PDE4D: variants seen among roughly 807,000 people sequenced by gnomAD.
The protein encoded by PDE4D is 3',5'-cyclic-AMP phosphodiesterase 4D.
A neutral mutation model predicts 87.4 loss-of-function variants in PDE4D; 24 were observed. That is an observed-to-expected ratio of 0.27 (90% confidence interval 0.20 to 0.39). The LOEUF (loss-of-function observed/expected upper bound fraction) is 0.39. Among genes scored for constraint, PDE4D ranks in the 10% least tolerant of loss-of-function variants. The pLI is 1.00. For synonymous variants in PDE4D, 384 were observed against 383.2 expected (o/e 1.00, Z -0.02); for missense variants, 714 against 1,041.0 (o/e 0.69, Z 4.32).
At chr5:59,200,220 T>C (rs901972222) in intron 2 of PDE4D, among the ~76,000 whole-genome samples, 19 of 145,210 alleles carry the variant, frequency 1.3e-4, no homozygotes, top group African/African-American at 4.5e-4. Context: ...TACACGTGTA[T>C]GTATACATAC....
At chr5:60,262,876 C>A (rs1749796428) in intron 1 of PDE4D, among the ~76,000 whole-genome samples, 1 of 152,094 alleles carries the variant, frequency 6.6e-6, no homozygotes, top group South Asian at 2.1e-4. Context: ...CAGTTGGAAT[C>A]AAAGTAAGGT....
intron 1 of PDE4D, among the ~76,000 whole-genome samples, chr5:59,690,106 T>C (rs1291141252): frequency 1.3e-5 from 2 of 152,112 alleles, no homozygotes; most frequent in Non-Finnish European, 2.9e-5. Flanking sequence ...TGCTCATAGA[T>C]AGGAAGAATC....
At chr5:59,047,416 T>C (rs1449189169) in intron 5 of PDE4D, among the ~76,000 whole-genome samples, 1 of 152,186 alleles carries the variant, frequency 6.6e-6, no homozygotes, top group Non-Finnish European at 1.5e-5. Flanking sequence ...GAACTAGTCT[T>C]GGAGGACTTG....
chr5:60,204,493 T>C (rs1196494255), intron 1 of PDE4D, among the ~76,000 whole-genome samples: 1 of 149,926 alleles, frequency 6.7e-6, no homozygotes, highest in Non-Finnish European at 1.5e-5. Flanking sequence ...TCTTGCCAGA[T>C]GAAGTCTAAT....
intron 1 of PDE4D, among the ~76,000 whole-genome samples, chr5:60,386,551 C>T (rs560748038): frequency 1.1e-4 from 17 of 152,316 alleles, no homozygotes; most frequent in African/African-American, 3.6e-4. Context: ...CACTTGCTTC[C>T]GTTCCTCTGC....
At chr5:60,371,725 G>A (rs1349215048) in intron 1 of PDE4D, among the ~76,000 whole-genome samples, 3 of 152,114 alleles carry the variant, frequency 2.0e-5, no homozygotes, top group Admixed American at 6.6e-5. Flanking sequence ...TAACACCAGA[G>A]CTCTGATTCT....
chr5:59,187,474 T>G (rs1743182811), intron 3 of PDE4D, among the ~76,000 whole-genome samples: 2 of 152,138 alleles, frequency 1.3e-5, no homozygotes, highest in South Asian at 4.1e-4. Context: ...TCAGGGGACA[T>G]TAAAATACTG....
In PDE4D at chr5:59,752,842, AG is replaced by A. The variant is rs532035569; in HGVS notation, c.455+140325del. Reference sequence around the variant, plus strand: ...GTATCCATAGGACACAATAACACATAGGGTTGCAGAGATAGGTGCAGAACTG... The same window carrying A: ...GTATCCATAGGACACAATAACACATAGGTTGCAGAGATAGGTGCAGAACTG... On this transcript the variant is annotated intron_variant, in intron 1 of 14. Coordinates refer to ENST00000340635, the MANE Select transcript of PDE4D (RefSeq NM_001104631.2). Among the ~76,000 whole-genome samples, 137 of 152,314 alleles carry A rather than the reference AG, an allele frequency of 9.0e-4. 1 individual carries two copies. The highest frequency in any genetic ancestry group is 7.9e-3 in the South Asian group (38 of 4,826).
chr5:60,249,980 C>T (rs865940717), intron 1 of PDE4D, among the ~76,000 whole-genome samples: 4 of 151,872 alleles, frequency 2.6e-5, no homozygotes, highest in African/African-American at 7.2e-5. Flanking sequence ...ACTAATATGA[C>T]CTTTTCTTGA....
rs530294445 is a variant in PDE4D, at chr5:59,394,278, A to G, written c.456-178310T>C. ...TTATGCAGGTTGCTCATCCAGAATC[A>G]GTGTCACTGTCATAGTTTGTGAAAG... On this transcript the variant is annotated intron_variant, in intron 1 of 14. Coordinates refer to ENST00000340635, the MANE Select transcript of PDE4D (RefSeq NM_001104631.2). Among the ~76,000 whole-genome samples, 6 of 152,338 alleles carry G rather than the reference A, an allele frequency of 3.9e-5. No individual in the cohort carries two copies. The East Asian group carries it at 1.2e-3, about 29-fold the overall frequency.
chr5:60,493,151 C>T (rs770529586), intron 1 of PDE4D, among the ~76,000 whole-genome samples: 3 of 152,058 alleles, frequency 2.0e-5, no homozygotes. Flanking sequence ...AGGACACTAA[C>T]CCAGGACATG....
chr5:59,097,994 G>A (rs1002879513), intron 5 of PDE4D, among the ~76,000 whole-genome samples: 14 of 152,152 alleles, frequency 9.2e-5, no homozygotes, highest in African/African-American at 3.4e-4. Flanking sequence ...ATTATAAAAT[G>A]TGAACTTGCC....
At chr5:59,561,138 T>C (rs993709806) in intron 1 of PDE4D, among the ~76,000 whole-genome samples, 1 of 152,162 alleles carries the variant, frequency 6.6e-6, no homozygotes, top group Non-Finnish European at 1.5e-5. Flanking sequence ...GTGGAAGCAT[T>C]TAATTGTGAC....
chr5:59,928,852 A>C (rs1426197559), intron 3 of PDE4D, among the ~76,000 whole-genome samples: 2 of 149,208 alleles, frequency 1.3e-5, no homozygotes, highest in African/African-American at 2.5e-5. Flanking sequence ...ATATATTAGA[A>C]ATTTCTATAT....
At chr5:60,254,465 A>G (rs1014718173) in intron 1 of PDE4D, among the ~76,000 whole-genome samples, 44 of 151,940 alleles carry the variant, frequency 2.9e-4, no homozygotes, top group African/African-American at 1.0e-3. Context: ...TTCCAAGAGC[A>G]TATCTTTTGC....
chr5:60,511,652 A>G (rs1303732672), intron 1 of PDE4D, among the ~76,000 whole-genome samples: 1 of 151,868 alleles, frequency 6.6e-6, no homozygotes, highest in East Asian at 1.9e-4. Flanking sequence ...AGATAAGGAA[A>G]CTAATGCTTA....
chr5:59,676,741 G>C (rs1277110268), intron 1 of PDE4D, among the ~76,000 whole-genome samples: 1 of 151,928 alleles, frequency 6.6e-6, no homozygotes, highest in African/African-American at 2.4e-5. Flanking sequence ...ATCAGATCAG[G>C]GTATTAGCAT....
chr5:60,028,156 T>G (rs1252905155), intron 2 of PDE4D, among the ~76,000 whole-genome samples: 1 of 152,206 alleles, frequency 6.6e-6, no homozygotes, highest in Non-Finnish European at 1.5e-5. Flanking sequence ...CAGACACTCT[T>G]CCTCTGTTAA....
Position 60,071,926 on chromosome 5 carries a change from G to C in PDE4D, c.43-83209C>G, listed in dbSNP as rs555920135. 2.0e-5 allele frequency among the ~76,000 whole-genome samples: 3 copies of C among 152,246 alleles called. No homozygotes were observed. The South Asian group carries it at 6.2e-4, about 32-fold the overall frequency. On this transcript the variant is annotated intron_variant, in intron 2 of 16. Coordinates refer to the PDE4D transcript ENST00000502484. ...TTATTTACTCAGTTTACCATTGATA[G>C]GCATTTAGATTGATTCCATGTCTTT...
Sources: allele counts gnomAD v4.1 joint callset (sites outside exome capture counted in the v4.1 genomes callset), GRCh38; gene constraint gnomAD v4.1.1; transcripts MANE v1.5; gene names NCBI Gene and HGNC (gene_info 2026-07-23, HGNC 2026-07-21).